The following GALNT13 variants were observed in gnomAD, a reference collection of about 807,000 sequenced individuals.
GALNT13 encodes the protein UDP-GalNAc:polypeptide N-acetylgalactosaminyltransferase 13.
Under a neutral mutation model 64.2 loss-of-function variants are expected in GALNT13, and 28 were observed. The observed-to-expected ratio is 0.44, with a 90% CI of 0.32 to 0.60. The LOEUF is 0.60. GALNT13 is among the 20% of genes least tolerant of loss of function. GALNT13 has a pLI of 0.05. For missense variants in GALNT13, 577 were observed against 669.8 expected, an observed-to-expected ratio of 0.86 and a Z score of 1.53; for synonymous variants, 214 against 224.6, an observed-to-expected ratio of 0.95 and a Z score of 0.42.
the GALNT13 span, among the ~76,000 whole-genome samples, chr2:153,073,462 T>C: frequency 0.035 from 5,315 of 151,872 alleles, 191 homozygotes; most frequent in East Asian, 0.18. Context: ...TTTTTTTTCT[T>C]CTTTAACTTG....
intron 7 of GALNT13, among the ~76,000 whole-genome samples, chr2:154,258,379 C>G (rs1337898007): frequency 6.6e-6 from 1 of 152,068 alleles, no homozygotes; most frequent in South Asian, 2.1e-4. Context: ...CTCTGAATAA[C>G]AGAAATCCCA....
At chr2:153,770,682 G>T in the GALNT13 span, among the ~76,000 whole-genome samples, 1 of 152,196 alleles carries the variant, frequency 6.6e-6, no homozygotes, top group Non-Finnish European at 1.5e-5. Context: ...ATACACATAG[G>T]TATGTATACT....
the GALNT13 span, among the ~76,000 whole-genome samples, chr2:153,403,699 T>C: frequency 6.6e-6 from 1 of 152,118 alleles, no homozygotes; most frequent in Non-Finnish European, 1.5e-5. Flanking sequence ...TTCCAGGTGC[T>C]GTCCGTCACC....
intron 10 of GALNT13, among the ~76,000 whole-genome samples, chr2:154,401,864 T>G (rs1365843628): frequency 6.6e-6 from 1 of 152,160 alleles, no homozygotes; most frequent in Non-Finnish European, 1.5e-5. Context: ...ATCAAGGACC[T>G]TCTAAATCCA....
intron 4 of GALNT13, among the ~76,000 whole-genome samples, chr2:154,212,888 A>T (rs1467115036): frequency 6.6e-6 from 1 of 151,722 alleles, no homozygotes; most frequent in African/African-American, 2.4e-5. Context: ...ACATTTTATT[A>T]ATCTCAATGG....
At chr2:154,095,854 G>A (rs915355448) in intron 3 of GALNT13, among the ~76,000 whole-genome samples, 4 of 151,862 alleles carry the variant, frequency 2.6e-5, no homozygotes, top group Non-Finnish European at 4.4e-5. Flanking sequence ...ATGAACTCCT[G>A]AAAGTTCAAT....
At chr2:153,227,593 C>A in the GALNT13 span, among the ~76,000 whole-genome samples, 1 of 152,168 alleles carries the variant, frequency 6.6e-6, no homozygotes, top group Admixed American at 6.5e-5. Flanking sequence ...CGAATTTCTT[C>A]AATCCCACTT....
intron 4 of GALNT13, among the ~76,000 whole-genome samples, chr2:154,166,841 G>A (rs1230245731): frequency 1.3e-5 from 2 of 152,126 alleles, no homozygotes; most frequent in Non-Finnish European, 2.9e-5. Context: ...CATAGATGAA[G>A]CTGGAAACCA....
the GALNT13 span, among the ~76,000 whole-genome samples, chr2:153,288,285 A>G: frequency 6.6e-6 from 1 of 152,198 alleles, no homozygotes; most frequent in African/African-American, 2.4e-5. Context: ...GTCTAAACAC[A>G]CACATATATG....
At chr2:154,302,942 A>G (rs1693526971) in intron 9 of GALNT13, among the ~76,000 whole-genome samples, 1 of 152,166 alleles carries the variant, frequency 6.6e-6, no homozygotes, top group Non-Finnish European at 1.5e-5. Context: ...GGAAAGGTCT[A>G]GATGCAGATT....
At chr2:153,733,163 CTTGT>C in the GALNT13 span, among the ~76,000 whole-genome samples, 2 of 152,194 alleles carry the variant, frequency 1.3e-5, no homozygotes, top group East Asian at 1.9e-4. Flanking sequence ...AAAATAAACC[CTTGT>C]TTGTTTGTTT....
At chr2:153,629,776 A>G in the GALNT13 span, among the ~76,000 whole-genome samples, 13 of 148,730 alleles carry the variant, frequency 8.7e-5, no homozygotes, top group Non-Finnish European at 1.8e-4. Flanking sequence ...TCCAGAATCT[A>G]CAATGAACTC....
intron 3 of GALNT13, among the ~76,000 whole-genome samples, chr2:154,015,228 A>G (rs1293648160): frequency 1.3e-5 from 2 of 152,314 alleles, no homozygotes; most frequent in East Asian, 3.9e-4. Flanking sequence ...AACTTAAAAT[A>G]TGAATTATTG....
At chr2:153,812,868 A>G in the GALNT13 span, among the ~76,000 whole-genome samples, 1 of 152,172 alleles carries the variant, frequency 6.6e-6, no homozygotes, top group East Asian at 1.9e-4. Flanking sequence ...ATCTCACAGG[A>G]ATGTTGACTG....
At chr2:154,155,523 G>A (rs187277283) in intron 4 of GALNT13, among the ~76,000 whole-genome samples, 1 of 151,976 alleles carries the variant, frequency 6.6e-6, no homozygotes, top group East Asian at 1.9e-4. Flanking sequence ...CTTAAGGGAA[G>A]GGTAAATTGT....
the GALNT13 span, among the ~76,000 whole-genome samples, chr2:153,403,765 C>T: frequency 2.4e-3 from 360 of 152,314 alleles, 1 homozygote; most frequent in Middle Eastern, 0.017. Flanking sequence ...CCAAGTGAGG[C>T]AATGCCTTGC....
At chr2:153,120,908 T>C in the GALNT13 span, among the ~76,000 whole-genome samples, 1 of 152,160 alleles carries the variant, frequency 6.6e-6, no homozygotes, top group Non-Finnish European at 1.5e-5. Flanking sequence ...ATTCAAACTC[T>C]AGTTATTGCG....
the GALNT13 span, among the ~76,000 whole-genome samples, chr2:153,230,725 G>T: frequency 3.9e-5 from 6 of 152,138 alleles, no homozygotes; most frequent in Non-Finnish European, 7.3e-5. Context: ...CTTTCAGCAA[G>T]TTTACTGGCC....
intron 1 of GALNT13, among the ~76,000 whole-genome samples, chr2:153,872,737 C>G (rs529484394): frequency 6.6e-6 from 1 of 152,104 alleles, no homozygotes; most frequent in East Asian, 2.0e-4. Context: ...GCAGCCCCGG[C>G]TGCGTTGCGG....
Sources: gnomAD v4.1 joint callset for allele counts (sites outside exome capture counted in the v4.1 genomes callset) on GRCh38, gnomAD v4.1.1 for gene constraint, MANE v1.5 for transcripts, NCBI Gene and HGNC (gene_info 2026-07-23, HGNC 2026-07-21) for gene names.